The following CFI variants were observed in gnomAD, a reference collection of about 807,000 sequenced individuals.
The protein encoded by CFI is complement factor I.
In CFI, 66 loss-of-function variants were observed where a neutral mutation model predicts 78.8. That is an observed-to-expected ratio of 0.84 (90% confidence interval 0.69 to 1.03). The LOEUF (loss-of-function observed/expected upper bound fraction) is 1.03, where lower values mean the gene tolerates loss of function less well. Among genes scored for constraint, CFI ranks in the 50% least tolerant of loss-of-function variants. The pLI, the probability that CFI is intolerant of heterozygous loss-of-function variation, is 0.00. For synonymous variants in CFI, 250 were observed against 232.6 expected (o/e 1.07, Z -0.68); for missense variants, 706 against 704.5 (o/e 1.00, Z -0.02).
At chr4:109,749,648 A>C (rs772087062) in intron 8 of CFI, 46 bp from the exon 9 acceptor site, 1 of 1,251,892 alleles carries the variant, frequency 8.0e-7, no homozygotes, top group South Asian at 1.2e-5. Flanking sequence ...TGAACCCATT[A>C]GCGTTTTTAA....
In CFI at chr4:109,749,498, C is replaced by T. The variant is rs764130150; in HGVS notation, c.1044+1G>A. The stretch of plus-strand genomic sequence containing the variant: ...CATTGTGACTTTTCATGCGACTTTA[C>T]CAGTTGTGCTCGCTTTCCTCCCACA... On this transcript the variant is annotated splice_donor_variant, in intron 9 of 12. Transcript: ENST00000394634. LOFTEE classifies it high-confidence loss of function. 1 of 1,610,666 alleles carries T rather than the reference C, an allele frequency of 6.2e-7. No homozygotes were observed. Among genetic ancestry groups the T allele is most frequent in the Non-Finnish European group, 8.5e-7 (1 of 1,176,796 alleles).
At chr4:109,798,786 T>C (rs1361555352) in intron 1 of CFI, among the ~76,000 whole-genome samples, 1 of 151,670 alleles carries the variant, frequency 6.6e-6, no homozygotes, top group Non-Finnish European at 1.5e-5. Context: ...AAACTACTTT[T>C]GGCAAGTCTA....
intron 2 of CFI, 142 bp from the exon 3 acceptor site, chr4:109,764,832 T>C (rs994491565): frequency 1.2e-5 from 9 of 779,348 alleles, no homozygotes; most frequent in Middle Eastern, 3.4e-4. Flanking sequence ...TAGTAAGCAA[T>C]CATTTTACGA....
intron 3 of CFI, 130 bp downstream of exon 3, chr4:109,764,407 G>T: frequency 2.0e-6 from 2 of 1,022,980 alleles, no homozygotes; most frequent in Non-Finnish European, 3.0e-6. Context: ...TCATAACAAT[G>T]CTATGATGCA....
At chr4:109,780,752 G>T (rs1480722795) in intron 1 of CFI, among the ~76,000 whole-genome samples, 1 of 152,154 alleles carries the variant, frequency 6.6e-6, no homozygotes, top group Non-Finnish European at 1.5e-5. Flanking sequence ...CAACCCAACT[G>T]TCCATCAATG....
At chr4:109,786,568 T>C (rs1730772825) in intron 1 of CFI, among the ~76,000 whole-genome samples, 1 of 152,040 alleles carries the variant, frequency 6.6e-6, no homozygotes, top group Non-Finnish European at 1.5e-5. Context: ...ATATTTAACC[T>C]ATAAACAAGA....
chr4:109,770,753 A>G (rs1728485882), intron 1 of CFI, among the ~76,000 whole-genome samples: 1 of 152,110 alleles, frequency 6.6e-6, no homozygotes, highest in Non-Finnish European at 1.5e-5. Flanking sequence ...AGAGGACTGC[A>G]GGATATAAGA....
At position 109,742,491 on chromosome 4, in the gene CFI, C is replaced by T. The variant is rs770828632; in HGVS notation, c.1534G>A (p.Gly512Ser). 15 of 1,601,172 alleles carry T rather than the reference C, an allele frequency of 9.4e-6. No individual in the cohort carries two copies. The highest frequency in any genetic ancestry group is 1.3e-5 in the Non-Finnish European group (15 of 1,168,262). Reference protein sequence around the residue: ...RFYEKEMECAGTYDGSIDACK... With the variant: ...RFYEKEMECASTYDGSIDACK... The stretch of plus-strand genomic sequence containing the variant: ...CTTGGATAAACCACTTGGCACTTAC[C>T]TGCACATTCCATTTCTTTTTCATAG... Residue 512 changes from glycine to serine, a missense_variant and splice_region_variant, in exon 12 of 13, where the codon GGT becomes AGT. Coordinates refer to ENST00000394634, the MANE Select transcript of CFI (RefSeq NM_000204.5).
At chr4:109,752,217 T>G (rs1192911522) in intron 8 of CFI, among the ~76,000 whole-genome samples, 14 of 152,188 alleles carry the variant, frequency 9.2e-5, no homozygotes, top group Admixed American at 9.2e-4. Context: ...AGCTTATGTA[T>G]GATTGGAGTA....
At chr4:109,770,049 G>A (rs777640726) in intron 1 of CFI, among the ~76,000 whole-genome samples, 10 of 152,154 alleles carry the variant, frequency 6.6e-5, no homozygotes, top group Non-Finnish European at 1.3e-4. Flanking sequence ...GGGTGCAGGT[G>A]GGAGATGGAA....
At chr4:109,756,893 GAAAGAAAGAAAGAAAGAAA>G (rs1726255179) in intron 7 of CFI, among the ~76,000 whole-genome samples, 2 of 13,778 alleles carry the variant, frequency 1.5e-4, no homozygotes, top group South Asian at 7.5e-3. Context: ...AGAAAGGAAA[GAAAGAAAGAAAGAAAGAAA>G]GAAAGAAAGA....
chr4:109,745,717 C>T (rs1306044943), intron 11 of CFI, among the ~76,000 whole-genome samples: 1 of 151,988 alleles, frequency 6.6e-6, no homozygotes, highest in Non-Finnish European at 1.5e-5. Context: ...GGGTTGTGGG[C>T]ATCAGCGATT....
intron 1 of CFI, among the ~76,000 whole-genome samples, chr4:109,770,700 A>T (rs1266346260): frequency 6.6e-6 from 1 of 151,994 alleles, no homozygotes; most frequent in Non-Finnish European, 1.5e-5. Flanking sequence ...GAATACAGGA[A>T]TTTTTTTAAA....
At chr4:109,795,056 G>C (rs1044501211) in intron 1 of CFI, among the ~76,000 whole-genome samples, 1 of 152,056 alleles carries the variant, frequency 6.6e-6, no homozygotes, top group South Asian at 2.1e-4. Flanking sequence ...AAAATTGAAA[G>C]GATAAGAAAA....
At chr4:109,769,066 C>T (rs1010315759) in intron 1 of CFI, among the ~76,000 whole-genome samples, 1 of 152,146 alleles carries the variant, frequency 6.6e-6, no homozygotes, top group Non-Finnish European at 1.5e-5. Flanking sequence ...CTTCCACTGA[C>T]CAGCTTGCAA....
intron 1 of CFI, among the ~76,000 whole-genome samples, chr4:109,776,928 A>AT (rs1258634228): frequency 6.6e-6 from 1 of 152,240 alleles, no homozygotes; most frequent in Non-Finnish European, 1.5e-5. Flanking sequence ...ATGCTGAGAG[A>AT]TTTTGTCACC....
At chr4:109,739,862 A>G (rs961754238), downstream of CFI, among the ~76,000 whole-genome samples, 9 of 152,194 alleles carry the variant, frequency 5.9e-5, no homozygotes, top group African/African-American at 2.2e-4. Context: ...TGCGATGAGA[A>G]CAGAAGTGAC....
intron 8 of CFI, among the ~76,000 whole-genome samples, chr4:109,750,260 G>T (rs537916058): frequency 1.6e-4 from 24 of 152,044 alleles, no homozygotes; most frequent in African/African-American, 5.1e-4. Flanking sequence ...GCCTCCCAAA[G>T]TGCTGAGATT....
downstream of CFI, among the ~76,000 whole-genome samples, chr4:109,736,908 C>T (rs1418855516): frequency 6.6e-6 from 1 of 152,170 alleles, no homozygotes; most frequent in South Asian, 2.1e-4. Context: ...CTACTTCCTT[C>T]CTTTCTGTAC....
Sources: allele counts gnomAD v4.1 joint callset (sites outside exome capture counted in the v4.1 genomes callset), GRCh38; gene constraint gnomAD v4.1.1; transcripts MANE v1.5; gene names NCBI Gene and HGNC (gene_info 2026-07-23, HGNC 2026-07-21).